Variants in TUSC3 observed in about 807,000 individuals in gnomAD.
TUSC3 encodes the protein tumor suppressor candidate 3, also known as dolichyl-diphosphooligosaccharide--protein glycosyltransferase subunit TUSC3.
TUSC3 carries 45 observed loss-of-function variants against 44.8 expected under a neutral mutation model. The observed-to-expected ratio is 1.00, with a 90% CI of 0.79 to 1.29. The LOEUF is 1.29. Ranked by LOEUF, TUSC3 falls within the 50% of genes most tolerant of loss-of-function variation. The pLI is 0.00. For missense variants in TUSC3, 519 were observed against 437.9 expected (o/e 1.19, Z -1.65); for synonymous variants, 212 against 152.9 (o/e 1.39, Z -2.85).
chr8:15,513,765 G>C (rs760659676), intron 2 of TUSC3, among the ~76,000 whole-genome samples: 1 of 152,152 alleles, frequency 6.6e-6, no homozygotes, highest in Non-Finnish European at 1.5e-5. Context: ...CAGAGGAGGC[G>C]TCTCAGGTAC....
intron 6 of TUSC3, among the ~76,000 whole-genome samples, chr8:15,710,415 A>G (rs2129199347): frequency 6.6e-6 from 1 of 151,968 alleles, no homozygotes; most frequent in African/African-American, 2.4e-5. Flanking sequence ...GATGAAATAA[A>G]GAGTGAGAGT....
chr8:15,426,170 C>G (rs1454955410), intron 1 of TUSC3, among the ~76,000 whole-genome samples: 2 of 152,198 alleles, frequency 1.3e-5, no homozygotes, highest in African/African-American at 4.8e-5. Flanking sequence ...GTTATCCCAT[C>G]ATCACAATCA....
intron 2 of TUSC3, among the ~76,000 whole-genome samples, chr8:15,531,901 C>T (rs543249861): frequency 6.6e-6 from 1 of 152,124 alleles, no homozygotes; most frequent in East Asian, 1.9e-4. Flanking sequence ...TGATAGTTAC[C>T]ATCAAAGAAA....
chr8:15,638,614 C>T lies in TUSC3; in HGVS notation c.309-12083C>T, dbSNP rs1167764656. ...TCTCTGCTCACTGCAACCTCTCCGC[C>T]TCCTGGGTTCAAGTGATTCCCCTGC... On this transcript the variant is annotated intron_variant, in intron 2 of 10. Transcript: ENST00000503731. Among the ~76,000 whole-genome samples, 15 of 148,198 alleles carry T rather than the reference C, an allele frequency of 1.0e-4. No homozygotes were observed. The Admixed American group carries it at 1.0e-3, about 10-fold the overall frequency.
intron 3 of TUSC3, among the ~76,000 whole-genome samples, chr8:15,654,580 T>A (rs1002110027): frequency 2.0e-5 from 3 of 152,112 alleles, no homozygotes; most frequent in Non-Finnish European, 4.4e-5. Context: ...AAAAAAGGTT[T>A]ATGAAAATAA....
the TUSC3 span, among the ~76,000 whole-genome samples, chr8:15,800,727 T>C: frequency 6.6e-6 from 1 of 152,152 alleles, no homozygotes; most frequent in Non-Finnish European, 1.5e-5. Flanking sequence ...AAAAGTGCCT[T>C]CTTAGTATTT....
chr8:15,490,883 A>T (rs376661629), intron 2 of TUSC3, among the ~76,000 whole-genome samples: 11 of 152,292 alleles, frequency 7.2e-5, no homozygotes, highest in African/African-American at 2.6e-4. Flanking sequence ...TTATTTTTCC[A>T]AGGTTAAGGA....
the TUSC3 span, among the ~76,000 whole-genome samples, chr8:15,824,775 A>G: frequency 3.3e-5 from 5 of 152,202 alleles, no homozygotes; most frequent in African/African-American, 1.2e-4. Context: ...GAAGATGTTC[A>G]CTGTCCTATG....
the TUSC3 span, among the ~76,000 whole-genome samples, chr8:15,805,874 T>G: frequency 3.3e-5 from 5 of 152,230 alleles, no homozygotes; most frequent in East Asian, 9.7e-4. Flanking sequence ...TTGGAATAGT[T>G]TCAGTAGAAT....
chr8:15,812,482 CTTGT>C, the TUSC3 span, among the ~76,000 whole-genome samples: 1 of 152,272 alleles, frequency 6.6e-6, no homozygotes, highest in Non-Finnish European at 1.5e-5. Context: ...TAGATATACA[CTTGT>C]TACTGCTGTA....
the TUSC3 span, among the ~76,000 whole-genome samples, chr8:15,785,920 GAAAAAAAGAATTTCCAACACTATTAGCT>G: frequency 6.6e-6 from 1 of 151,556 alleles, no homozygotes; most frequent in Non-Finnish European, 1.5e-5. Context: ...TGAAAAAAAA[GAAAAAAAGAATTTCCAACACTATTAGCT>G]AAAATATTTA....
the TUSC3 span, among the ~76,000 whole-genome samples, chr8:15,845,937 G>A: frequency 6.6e-6 from 1 of 152,104 alleles, no homozygotes; most frequent in Non-Finnish European, 1.5e-5. Flanking sequence ...TGGCTGGGGA[G>A]GCCTCAGAAT....
At chr8:15,467,422 A>C (rs973257153) in intron 1 of TUSC3, among the ~76,000 whole-genome samples, 4 of 152,302 alleles carry the variant, frequency 2.6e-5, no homozygotes, top group Admixed American at 1.3e-4. Context: ...AAACAGAATC[A>C]ATTGCAGTAA....
At chr8:15,528,626 A>C (rs1204780676) in intron 2 of TUSC3, among the ~76,000 whole-genome samples, 2 of 152,210 alleles carry the variant, frequency 1.3e-5, no homozygotes, top group African/African-American at 4.8e-5. Flanking sequence ...CTACCTTTCC[A>C]GTGTTTTCCT....
In TUSC3 at chr8:15,620,065, C is replaced by G. The variant is rs149664865; in HGVS notation, c.139-3015C>G. Among the ~76,000 whole-genome samples the G allele has an allele frequency of 8.4e-3, 1,272 of 151,938 alleles. 19 individuals carry two copies. The highest frequency in any genetic ancestry group is 0.028 in the African/African-American group (1,177 of 41,326). ...TAACAGAGGGAGACTGTGTCAGAAA[C>G]AAACAAACAAACTGCAAATTAAAAT... On this transcript the variant is annotated intron_variant, in intron 1 of 10. Coordinates refer to ENST00000503731, the MANE Select transcript of TUSC3 (RefSeq NM_006765.4).
intron 2 of TUSC3, among the ~76,000 whole-genome samples, chr8:15,641,243 C>T (rs972374966): frequency 2.6e-5 from 4 of 151,940 alleles, no homozygotes; most frequent in East Asian, 1.9e-4. Context: ...CGCCTGTAGT[C>T]CCACCTACTC....
chr8:15,616,550 C>T (rs551813825), intron 1 of TUSC3, among the ~76,000 whole-genome samples: 27 of 152,302 alleles, frequency 1.8e-4, no homozygotes, highest in Admixed American at 1.5e-3. Context: ...GCCCTCCAGC[C>T]TGTGTGACAG....
upstream of TUSC3, among the ~76,000 whole-genome samples, chr8:15,535,229 A>C (rs28664761): frequency 6.6e-6 from 1 of 152,120 alleles, no homozygotes; most frequent in African/African-American, 2.4e-5. Flanking sequence ...TAGTTCTTGG[A>C]AGGTCTTTGT....
At chr8:15,800,914 T>A in the TUSC3 span, among the ~76,000 whole-genome samples, 1 of 152,188 alleles carries the variant, frequency 6.6e-6, no homozygotes, top group Admixed American at 6.5e-5. Flanking sequence ...GGCTAGATGC[T>A]TTTCTGGTCA....
Sources: gnomAD v4.1 joint callset for allele counts (sites outside exome capture counted in the v4.1 genomes callset) on GRCh38, gnomAD v4.1.1 for gene constraint, MANE v1.5 for transcripts, NCBI Gene and HGNC (gene_info 2026-07-23, HGNC 2026-07-21) for gene names.